The following LRSAM1 variants were observed in gnomAD, a reference collection of about 807,000 sequenced individuals.
LRSAM1 encodes the protein E3 ubiquitin-protein ligase LRSAM1.
A neutral mutation model predicts 118.1 loss-of-function variants in LRSAM1; 96 were observed. That is an observed-to-expected ratio of 0.81 (90% CI 0.69 to 0.96). The LOEUF (loss-of-function observed/expected upper bound fraction) is 0.96. LRSAM1 is among the 40% of genes least tolerant of loss of function. The probability of loss-of-function intolerance (pLI) is 0.00; values close to 1 mark genes in which losing one functional copy is unlikely to be tolerated. For missense variants in LRSAM1, 804 were observed against 915.5 expected, an observed-to-expected ratio of 0.88 and a Z score of 1.57; for synonymous variants, 322 against 364.2, an observed-to-expected ratio of 0.88 and a Z score of 1.32.
rs142958539 is a variant in LRSAM1, at chr9:127,481,206, T to C, written c.1067T>C (p.Leu356Ser). The C allele has an allele frequency of 3.7e-5, 60 of 1,613,572 alleles. No homozygotes were observed. Among genetic ancestry groups the C allele is most frequent in the Non-Finnish European group, 4.7e-5 (56 of 1,179,988 alleles). Residue 356 changes from leucine to serine, a missense_variant, in exon 15 of 26, where the codon TTG (leucine) becomes TCG (serine). Physicochemically the swap from Leu to Ser is moderately radical, Grantham distance 145. Coordinates refer to ENST00000300417, the MANE Select transcript of LRSAM1 (RefSeq NM_001005373.4). ...AGACAAAAGAAAAGCTCCGAGATTT[T>C]GAAATCGCTGGAAAATGAAAGGTAA... ...NQRQKKSSEI[L>S]KSLENERIRM...
At chr9:127,494,974 G>C (rs952081355) in intron 21 of LRSAM1, among the ~76,000 whole-genome samples, 2 of 152,076 alleles carry the variant, frequency 1.3e-5, no homozygotes, top group Admixed American at 1.3e-4. Flanking sequence ...TTTTTGAGAC[G>C]GAGTTTCGCT....
Position 127,467,835 on chromosome 9 carries a change from A to G in LRSAM1, c.619+5A>G. Reference sequence around the variant, plus strand: ...TCTTGCAGTTCCTCTGCAAAGGTAAAGCCAGGCCGCTGCCTCCTCCCCTCA... The same window carrying G: ...TCTTGCAGTTCCTCTGCAAAGGTAAGGCCAGGCCGCTGCCTCCTCCCCTCA... On this transcript the variant is annotated splice_donor_5th_base_variant and intron_variant, in intron 10 of 25. Transcript: ENST00000300417. 1.9e-6 allele frequency: 3 copies of G among 1,579,042 alleles called. No individual in the cohort carries two copies. The highest frequency in any genetic ancestry group is 2.6e-6 in the Non-Finnish European group (3 of 1,164,842).
In LRSAM1 at chr9:127,462,241, G is replaced by A. The variant is rs200259701; in HGVS notation, c.407-11G>A. On this transcript the variant is annotated splice_polypyrimidine_tract_variant and intron_variant, in intron 8 of 25. Transcript: ENST00000300417. ...TTGGGGTGTTGAGCTGTGCTATTGG[G>A]GTCTCTGCAGACAACAAGCTGAAGG... The A allele has an allele frequency of 6.2e-7, 1 of 1,613,876 alleles. No individual in the cohort carries two copies. The highest frequency in any genetic ancestry group is 2.2e-5 in the East Asian group (1 of 44,872).
chr9:127,490,187 C>T (rs1835884235), intron 19 of LRSAM1, among the ~76,000 whole-genome samples: 1 of 152,250 alleles, frequency 6.6e-6, no homozygotes, highest in African/African-American at 2.4e-5. Flanking sequence ...GGGAGTACTC[C>T]TGCATCATGT....
chr9:127,471,863 A>G (rs973944153), intron 10 of LRSAM1, among the ~76,000 whole-genome samples: 7 of 151,284 alleles, frequency 4.6e-5, no homozygotes, highest in African/African-American at 1.7e-4. Flanking sequence ...GGGTTTCGCC[A>G]TGTTGACCAG....
intron 17 of LRSAM1, among the ~76,000 whole-genome samples, chr9:127,487,281 T>C (rs1198936377): frequency 1.3e-5 from 2 of 151,928 alleles, no homozygotes; most frequent in Admixed American, 1.3e-4. Context: ...CCTTGCTCCC[T>C]GCCCAGGGTG....
chr9:127,477,243 G>C (rs1330219623), intron 11 of LRSAM1, among the ~76,000 whole-genome samples: 2 of 152,172 alleles, frequency 1.3e-5, no homozygotes, highest in Admixed American at 1.3e-4. Context: ...GGTTAGGCTG[G>C]AGTGGTCAGT....
At chr9:127,462,146 G>A (rs1834770895) in intron 8 of LRSAM1, 106 bp from the exon 9 acceptor site, 1 of 1,522,402 alleles carries the variant, frequency 6.6e-7, no homozygotes, top group East Asian at 2.3e-5. Context: ...CAGAGCCCAG[G>A]ATCTGTTGTG....
chr9:127,476,451 G>C (rs1229373091), intron 11 of LRSAM1, among the ~76,000 whole-genome samples: 1 of 152,142 alleles, frequency 6.6e-6, no homozygotes, highest in East Asian at 1.9e-4. Flanking sequence ...GGGAGGCTAA[G>C]GTGGGAGGAT....
intron 10 of LRSAM1, among the ~76,000 whole-genome samples, chr9:127,468,379 G>A (rs1380624241): frequency 6.6e-6 from 1 of 152,170 alleles, no homozygotes; most frequent in African/African-American, 2.4e-5. Context: ...GGTCATCCAG[G>A]AGAGATGCAC....
In LRSAM1 at chr9:127,478,951, T is replaced by C; in HGVS notation, c.768T>C (p.Tyr256=). Residue 256 remains tyrosine, a synonymous_variant, in exon 12 of 26, where the codon TAT becomes TAC. Coordinates refer to ENST00000300417, the MANE Select transcript of LRSAM1 (RefSeq NM_001005373.4). ...CCTCCCAGAACAGGTTCTCAGACTA[T>C]GAGAAGAGGAAGGTAAGAAAATGCC... ...ELEWQNRFSD[Y]EKRKEQKMLE... is the part of the protein sequence containing the mutation. 1 of 1,614,092 alleles carries C rather than the reference T, an allele frequency of 6.2e-7. No homozygotes were observed. Among genetic ancestry groups the C allele is most frequent in the South Asian group, 1.1e-5 (1 of 91,090 alleles).
In LRSAM1 at chr9:127,465,711, A is replaced by T. The variant is rs1295160771; in HGVS notation, c.529-2029A>T. Among the ~76,000 whole-genome samples the T allele has an allele frequency of 1.3e-5, 2 of 152,188 alleles. No homozygotes were observed. Among genetic ancestry groups the T allele is most frequent in the Non-Finnish European group, 2.9e-5 (2 of 68,032 alleles). ...ACCCAGCCACTTGTGTTACAGCAAA[A>T]TCAGAGCTTCCCAGGCCTTCTCCTT... On this transcript the variant is annotated intron_variant, in intron 9 of 25. Transcript: ENST00000300417. The surrounding 1 kb of genome is among the most constrained non-coding windows in gnomAD (Gnocchi z 4.1).
intron 13 of LRSAM1, among the ~76,000 whole-genome samples, 155 bp from the exon 14 acceptor site, chr9:127,479,684 A>G (rs1835461707): frequency 6.6e-6 from 1 of 152,128 alleles, no homozygotes; most frequent in African/African-American, 2.4e-5. Context: ...CCGTGTGCAG[A>G]TGGACACTGT....
At chr9:127,492,929 A>G in intron 21 of LRSAM1, 32 bp downstream of exon 21, 1 of 1,584,326 alleles carries the variant, frequency 6.3e-7, no homozygotes, top group Non-Finnish European at 8.7e-7. Flanking sequence ...TCAGCATCAC[A>G]CAGGCATTTG....
At chr9:127,463,072 C>T (rs1179432695) in intron 9 of LRSAM1, among the ~76,000 whole-genome samples, 2 of 151,838 alleles carry the variant, frequency 1.3e-5, no homozygotes, top group Admixed American at 6.6e-5. Context: ...TGGTGCGCAC[C>T]TGTAATCCCA....
intron 18 of LRSAM1, 41 bp from the exon 19 acceptor site, chr9:127,489,403 T>C: frequency 6.3e-7 from 1 of 1,581,310 alleles, no homozygotes. Flanking sequence ...GGGAAAAGTG[T>C]GGGCACGGCC....
At chr9:127,484,085 C>G (rs952639044) in intron 16 of LRSAM1, among the ~76,000 whole-genome samples, 2 of 152,092 alleles carry the variant, frequency 1.3e-5, no homozygotes, top group African/African-American at 4.8e-5. Flanking sequence ...CTCCCCGTGC[C>G]CCCCTCCCCT....
intron 9 of LRSAM1, among the ~76,000 whole-genome samples, chr9:127,462,768 A>G (rs1834796222): frequency 6.6e-6 from 1 of 151,760 alleles, no homozygotes; most frequent in African/African-American, 2.4e-5. Flanking sequence ...GCAGCAAACC[A>G]CCGTGGCACA....
intron 11 of LRSAM1, among the ~76,000 whole-genome samples, chr9:127,476,967 G>A (rs953735040): frequency 2.6e-5 from 4 of 152,114 alleles, no homozygotes; most frequent in African/African-American, 7.2e-5. Flanking sequence ...ATGAGCCACC[G>A]CGCCCAGCCA....
Sources: allele counts gnomAD v4.1 joint callset (sites outside exome capture counted in the v4.1 genomes callset), GRCh38; gene constraint gnomAD v4.1.1; non-coding constraint Gnocchi (gnomAD v3.1); transcripts MANE v1.5; gene names NCBI Gene and HGNC (gene_info 2026-07-23, HGNC 2026-07-21).